Variants in EPHB6 observed in about 807,000 individuals in gnomAD.
EPHB6 encodes ephrin type-B receptor 6.
A neutral mutation model predicts 107.0 loss-of-function variants in EPHB6; 51 were observed. The ratio of observed to expected loss-of-function variants is 0.48; its 90% CI spans 0.38 to 0.60. The LOEUF is 0.60. Ranked by LOEUF, EPHB6 falls within the 20% of genes least tolerant of loss-of-function variation. The probability of loss-of-function intolerance (pLI) is 0.00; values close to 1 mark genes in which losing one functional copy is unlikely to be tolerated. For synonymous variants in EPHB6, 553 were observed against 549.0 expected (o/e 1.01, Z -0.10); for missense variants, 1,141 against 1,355.5 (o/e 0.84, Z 2.48).
rs568344797 is a variant in EPHB6 at position 142,868,258 on chromosome 7, T to A, written c.1936T>A (p.Tyr646Asn). The A allele has an allele frequency of 6.2e-7, 1 of 1,614,112 alleles. No homozygotes were observed. The highest frequency in any genetic ancestry group is 1.3e-5 in the African/African-American group (1 of 75,004). Residue 646 changes from tyrosine to asparagine, a missense_variant, in exon 14 of 20, where the codon TAC becomes AAC. This residue lies in a region of EPHB6 where 616 missense variants were observed against 759.3 expected (regional missense o/e 0.81). Coordinates refer to ENST00000652003, the MANE Select transcript of EPHB6 (RefSeq NM_004445.6). The surrounding 1 kb of genome is among the most constrained non-coding windows in gnomAD (Gnocchi z 4.2). The stretch of plus-strand genomic sequence containing the variant: ...CCCTCCAGGACTCGGGGTGAAGTAT[T>A]ACATCGACCCCTCCACCTACGAGGA... Reference protein sequence around the residue: ...YSSPGLGVKYYIDPSTYEDPC... With the variant: ...YSSPGLGVKYNIDPSTYEDPC...
In EPHB6 at chr7:142,863,337, A is replaced by T. The variant is rs757149311; in HGVS notation, c.100+10A>T. 2.5e-6 allele frequency: 4 copies of T among 1,612,404 alleles called. No homozygotes were observed. Among genetic ancestry groups the T allele is most frequent in the Admixed American group, 1.7e-5 (1 of 59,968 alleles). On this transcript the variant is annotated intron_variant, in intron 5 of 19. Coordinates refer to ENST00000652003, the MANE Select transcript of EPHB6 (RefSeq NM_004445.6). ...GTTCTGGCTCTGGAAGGTAAGAGGG[A>T]GGGGAGACAGGAGAACCCAGACCTG...
chr7:142,856,453 A>T (rs190050496), intron 1 of EPHB6, among the ~76,000 whole-genome samples: 10 of 152,138 alleles, frequency 6.6e-5, no homozygotes, highest in African/African-American at 2.2e-4. Context: ...GTGCAAAAAG[A>T]TGGTTGGCAA....
chr7:142,868,021 A>G lies in EPHB6; in HGVS notation c.1890A>G (p.Thr630=), dbSNP rs2229873. 0.98 allele frequency: 1,559,266 copies of G among 1,590,190 alleles called. 764,799 individuals carry two copies. Among genetic ancestry groups the G allele is most frequent in the East Asian group, 0.99 (43,125 of 43,530 alleles). Residue 630 remains threonine, a synonymous_variant, in exon 13 of 20, where the codon ACA becomes ACG. Transcript: ENST00000652003. The surrounding 1 kb of genome is among the most constrained non-coding windows in gnomAD (Gnocchi z 4.2). ...FQRKRRGTGY[T]EQLQQYSSPG... ...GGAAGCGGCGTGGGACTGGCTACAC[A>G]GAGCAGCTGCAGCAATACAGCAGCC...
rs554406796 is a variant in EPHB6, at chr7:142,864,826, C to A, written c.949+77C>A. The A allele has an allele frequency of 4.1e-4, 640 of 1,552,114 alleles. 4 individuals are homozygous for A. Among genetic ancestry groups the A allele is most frequent in the South Asian group, 1.4e-3 (128 of 88,826 alleles). ...CCTTTGGGCTCCTCTCTGAACACCCCAAAATTCATTTTATCTGCAAAAGGT... is the reference window on the plus strand; with the variant it reads ...CCTTTGGGCTCCTCTCTGAACACCCAAAAATTCATTTTATCTGCAAAAGGT... On this transcript the variant is annotated intron_variant, in intron 7 of 19. Coordinates refer to ENST00000652003, the MANE Select transcript of EPHB6 (RefSeq NM_004445.6).
rs1803049201 is a variant in EPHB6, at chr7:142,864,645, C to T, written c.845C>T (p.Pro282Leu). 6.2e-7 allele frequency: 1 copy of T among 1,612,600 alleles called. No homozygotes were observed. Among genetic ancestry groups the T allele is most frequent in the Non-Finnish European group, 8.5e-7 (1 of 1,179,704 alleles). Residue 282 changes from proline (P) to leucine (L), a missense_variant, in exon 7 of 20, where the codon CCC becomes CTC. This residue lies in a region of EPHB6 where 304 missense variants were observed against 295.7 expected (regional missense o/e 1.03). Transcript: ENST00000652003. ...DGVGGQAGGS[P>L]PRLHCNGEGK... ...GTAGGGGGCCAGGCAGGAGGCAGCC[C>T]CCCCAGGCTGCACTGCAACGGGGAG... is the stretch of plus-strand genomic sequence containing the variant.
chr7:142,863,225 C>T lies in EPHB6; in HGVS notation c.-3C>T. 6.2e-7 allele frequency: 1 copy of T among 1,613,988 alleles called. No homozygotes were observed. On this transcript the variant is annotated 5_prime_UTR_variant, in exon 5 of 20. Transcript: ENST00000652003. The stretch of plus-strand genomic sequence containing the variant: ...GCGATGGTGGACGCCCTGAAGATGT[C>T]CCATGGCTACTGAAGGGGCTGCCCA...
rs2116476641 is a variant in EPHB6, at chr7:142,869,004, C to T, written c.2317C>T (p.Leu773=). The change falls in exon 16 of 20, where the codon CTG becomes TTG. Residue 773 remains leucine, a synonymous_variant. Transcript: ENST00000652003. The surrounding 1 kb of genome is among the most constrained non-coding windows in gnomAD (Gnocchi z 4.5). ...GGAGGGCCAGTTCAGCAGCCTGCAG[C>T]TGGTGGCCATGCAGCGGGGAGTGGC... ...QREGQFSSLQ[L]VAMQRGVAAA... The T allele has an allele frequency of 1.9e-6, 3 of 1,611,544 alleles. No individual in the cohort carries two copies. The highest frequency in any genetic ancestry group is 2.5e-6 in the Non-Finnish European group (3 of 1,179,946).
In EPHB6 at chr7:142,870,978, A is replaced by C. The variant is rs1586181930; in HGVS notation, c.*74A>C. On this transcript the variant is annotated 3_prime_UTR_variant, in exon 20 of 20. Coordinates refer to ENST00000652003, the MANE Select transcript of EPHB6 (RefSeq NM_004445.6). ...CATGTGGGACGTGAGCCGGGCTCCA[A>C]CAGCCTCTGTGAGAGATGCCCCACA... The C allele has an allele frequency of 4.9e-6, 7 of 1,437,364 alleles. No homozygotes were observed. Among genetic ancestry groups the C allele is most frequent in the South Asian group, 1.2e-5 (1 of 83,502 alleles). 89.0% of individuals were successfully genotyped at this position (1,437,364 alleles called of 1,614,324 possible).
At chr7:142,863,835 G>T in intron 6 of EPHB6, 131 bp from the exon 7 acceptor site, 1 of 1,495,318 alleles carries the variant, frequency 6.7e-7, no homozygotes, top group Non-Finnish European at 9.3e-7. Context: ...AGATTTCAAG[G>T]TATCCTCTAT....
rs758890488 is a variant in EPHB6, at chr7:142,864,763, C to T, written c.949+14C>T. On this transcript the variant is annotated intron_variant, in intron 7 of 19. Transcript: ENST00000652003. Reference sequence around the variant, plus strand: ...AGGCCTGCCAAGGTGAGAGCCCACTCGTCTTGCACTTGCCCGACACCTCCC... The same window carrying T: ...AGGCCTGCCAAGGTGAGAGCCCACTTGTCTTGCACTTGCCCGACACCTCCC... 13 of 1,612,588 alleles carry T rather than the reference C, an allele frequency of 8.1e-6. No homozygotes were observed. The South Asian group carries it at 8.8e-5, about 11-fold the overall frequency.
At chr7:142,857,953 A>G (rs540174027) in intron 1 of EPHB6, among the ~76,000 whole-genome samples, 1 of 152,346 alleles carries the variant, frequency 6.6e-6, no homozygotes, top group Non-Finnish European at 1.5e-5. Context: ...TTCTTCTTAT[A>G]GATGAACATT....
rs963215138 is a variant in EPHB6, at chr7:142,870,515, C to G, written c.2805-15C>G. 6 of 1,613,996 alleles carry G rather than the reference C, an allele frequency of 3.7e-6. No individual in the cohort carries two copies. Among genetic ancestry groups the G allele is most frequent in the Non-Finnish European group, 5.1e-6 (6 of 1,180,042 alleles). ...GAAGAGGAGACCTTGACCCTGCTTG[C>G]CCCTCCCCTCTTAGGCCTTCCCAGG... On this transcript the variant is annotated splice_polypyrimidine_tract_variant and intron_variant, in intron 18 of 19. Transcript: ENST00000652003.
At position 142,866,402 on chromosome 7, in the gene EPHB6, C is replaced by T. The variant is rs8177150; in HGVS notation, c.1463-79C>T. The T allele has an allele frequency of 5.6e-3, 9,074 of 1,612,020 alleles. 379 individuals are homozygous for T. The African/African-American group carries it at 0.098, about 17-fold the overall frequency. The stretch of plus-strand genomic sequence containing the variant: ...TACTCCTGATCTCCAGCCTGGTCCA[C>T]CCCTGCCGCCCTCCCCTCAAGGCTG... On this transcript the variant is annotated intron_variant, in intron 9 of 19. Transcript: ENST00000652003. The surrounding 1 kb of genome is among the most constrained non-coding windows in gnomAD (Gnocchi z 5.2).
At position 142,869,234 on chromosome 7, in the gene EPHB6, G is replaced by T. The variant is rs1488503136; in HGVS notation, c.2460+87G>T. The T allele has an allele frequency of 1.3e-6, 2 of 1,481,922 alleles. No homozygotes were observed. The highest frequency in any genetic ancestry group is 1.9e-6 in the Non-Finnish European group (2 of 1,076,382). 91.8% of individuals were successfully genotyped at this position (1,481,922 alleles called of 1,614,324 possible). ...GGTCGGGGGTGAGCTGGAATCTGGG[G>T]TAGGTACCTCAGCCGGGGTGTCATA... On this transcript the variant is annotated intron_variant, in intron 16 of 19. Transcript: ENST00000652003. This position sits in a 1 kb window ranked among gnomAD's most constrained non-coding sequence, Gnocchi z 4.5.
At chr7:142,865,773 C>T in intron 8 of EPHB6, 143 bp downstream of exon 8, 2 of 1,233,346 alleles carry the variant, frequency 1.6e-6, no homozygotes, top group South Asian at 1.3e-5. Flanking sequence ...CTCCCTGTCC[C>T]CACCCCCTTC....
At chr7:142,865,677 G>C (rs768358720) in intron 8 of EPHB6, 47 bp downstream of exon 8, 1 of 1,603,544 alleles carries the variant, frequency 6.2e-7, no homozygotes, top group East Asian at 2.2e-5. Flanking sequence ...CTTGGAGAGG[G>C]GCCAGAAGTG....
intron 19 of EPHB6, 31 bp downstream of exon 19, chr7:142,870,716 T>C (rs1055839695): frequency 5.0e-6 from 8 of 1,614,036 alleles, no homozygotes; most frequent in Non-Finnish European, 5.1e-6. Flanking sequence ...TGGGGGCGAA[T>C]GCTCCAGGCC....
At chr7:142,865,929 C>A in intron 8 of EPHB6, 31 bp from the exon 9 acceptor site, 1 of 1,608,674 alleles carries the variant, frequency 6.2e-7, no homozygotes, top group African/African-American at 1.3e-5. Flanking sequence ...CCCTCTTGGC[C>A]CTTGGACTGC....
rs1445045645 is a variant in EPHB6 at position 142,870,787 on chromosome 7, C to T, written c.2961-9C>T. ...CTGGCCCAGATTTGATCCCTTCCCT[C>T]CCCACCAGAGACCTGCCTGCCCTGG... On this transcript the variant is annotated splice_polypyrimidine_tract_variant and intron_variant, in intron 19 of 19. Transcript: ENST00000652003. 1 of 1,614,188 alleles carries T rather than the reference C, an allele frequency of 6.2e-7. No individual in the cohort carries two copies. The highest frequency in any genetic ancestry group is 8.5e-7 in the Non-Finnish European group (1 of 1,180,000).
Sources: gnomAD v4.1 joint callset for allele counts (sites outside exome capture counted in the v4.1 genomes callset) on GRCh38, gnomAD v4.1.1 for gene constraint, gnomAD v4.1.1 regional missense constraint, Gnocchi (gnomAD v3.1) non-coding constraint, MANE v1.5 for transcripts, NCBI Gene and HGNC (gene_info 2026-07-23, HGNC 2026-07-21) for gene names.